The following PGAP1 variants were observed in gnomAD, a reference collection of about 807,000 sequenced individuals.
The protein encoded by PGAP1 is GPI inositol-deacylase.
A neutral mutation model predicts 127.0 loss-of-function variants in PGAP1; 76 were observed. The observed-to-expected ratio is 0.60, with a 90% CI of 0.50 to 0.72. PGAP1 has a LOEUF of 0.72. Among genes scored for constraint, PGAP1 ranks in the 30% least tolerant of loss-of-function variants. PGAP1 has a pLI of 0.00. For missense variants in PGAP1, 982 were observed against 1,071.3 expected, an observed-to-expected ratio of 0.92 and a Z score of 1.16; for synonymous variants, 362 against 366.5, an observed-to-expected ratio of 0.99 and a Z score of 0.14.
Position 196,926,462 on chromosome 2 carries a change from A to C in PGAP1, c.147+8T>G. 1.9e-5 allele frequency: 31 copies of C among 1,614,104 alleles called. No homozygotes were observed. The highest frequency in any genetic ancestry group is 2.5e-5 in the Non-Finnish European group (30 of 1,179,998). On this transcript the variant is annotated splice_region_variant and intron_variant, in intron 1 of 26. Coordinates refer to ENST00000354764, the MANE Select transcript of PGAP1 (RefSeq NM_024989.4). ...GAGCGCCCGGCTGAGGAGAGGGCAG[A>C]ACCTTACCTGATACTCCGGGTACTC...
rs1474069252 is a variant in PGAP1, at chr2:196,840,045, C to T, written c.*1189G>A. ...CTTCTGCCTTGCCGATTACCTTCTT[C>T]CTACTCTTGTAGCTAAAAGTGACGT... On this transcript the variant is annotated 3_prime_UTR_variant, in exon 27 of 27. Transcript: ENST00000354764. The T allele has an allele frequency of 6.6e-6, 1 of 152,140 alleles. No homozygotes were observed. The highest frequency in any genetic ancestry group is 1.5e-5 in the Non-Finnish European group (1 of 68,024). 9.4% of individuals were successfully genotyped at this position (152,140 alleles called of 1,614,324 possible).
intron 20 of PGAP1, among the ~76,000 whole-genome samples, chr2:196,860,175 G>A (rs1428492892): frequency 6.6e-6 from 1 of 151,856 alleles, no homozygotes; most frequent in African/African-American, 2.4e-5. Context: ...AAAGTTTCAA[G>A]ATACAAAATC....
chr2:196,886,888 G>A lies in PGAP1; in HGVS notation c.1174-1008C>T, dbSNP rs1022048903. 5.9e-5 allele frequency among the ~76,000 whole-genome samples: 9 copies of A among 151,628 alleles called. No homozygotes were observed. In the South Asian group the frequency reaches 1.9e-3, roughly 32 times the overall value. ...AATTTTTGTATTTTTAGTGGAGACG[G>A]GATTTCACCATGTTGGCCAGGATGG... On this transcript the variant is annotated intron_variant, in intron 10 of 26. Coordinates refer to ENST00000354764, the MANE Select transcript of PGAP1 (RefSeq NM_024989.4).
chr2:196,851,697 C>G (rs1356747234), intron 20 of PGAP1, among the ~76,000 whole-genome samples: 1 of 152,102 alleles, frequency 6.6e-6, no homozygotes, highest in Non-Finnish European at 1.5e-5. Context: ...CTGGAGCTCT[C>G]TGCTTCCACG....
At chr2:196,878,896 T>G (rs1701642988) in intron 13 of PGAP1, among the ~76,000 whole-genome samples, 1 of 152,246 alleles carries the variant, frequency 6.6e-6, no homozygotes, top group Non-Finnish European at 1.5e-5. Flanking sequence ...ATGTCACTAT[T>G]GAGCATCTGG....
chr2:196,911,642 A>C (rs892323482), intron 4 of PGAP1, among the ~76,000 whole-genome samples: 1 of 147,698 alleles, frequency 6.8e-6, no homozygotes, highest in Non-Finnish European at 1.5e-5. Flanking sequence ...AAAAATTAAG[A>C]TAATGCAAAT....
intron 20 of PGAP1, among the ~76,000 whole-genome samples, chr2:196,854,116 T>C (rs1294332790): frequency 1.3e-5 from 2 of 152,058 alleles, no homozygotes; most frequent in Admixed American, 1.3e-4. Context: ...AGGATAGTCT[T>C]GAATTCCTAG....
chr2:196,877,204 G>T (rs1236345731), intron 13 of PGAP1, among the ~76,000 whole-genome samples: 1 of 151,974 alleles, frequency 6.6e-6, no homozygotes, highest in Non-Finnish European at 1.5e-5. Flanking sequence ...AATTTCTAAT[G>T]GGTTTAATTA....
rs541180365 is a variant in PGAP1 at position 196,885,956 on chromosome 2, A to G, written c.1174-76T>C. 76 of 1,001,346 alleles carry G rather than the reference A, an allele frequency of 7.6e-5. No homozygotes were observed. In the South Asian group the frequency reaches 2.5e-3, roughly 33 times the overall value. The allele number at this position is 1,001,346 out of a possible 1,614,324, so 62.0% of individuals were successfully genotyped here. A position where few individuals can be genotyped will look rare whatever the true frequency, so the allele number is the denominator to read the frequency against. On this transcript the variant is annotated intron_variant, in intron 10 of 26. Transcript: ENST00000354764. Reference sequence around the variant, plus strand: ...TTATACAAAACAAACACCCATTTTCAACACTTTTTATTGTTATATGATATA... The same window carrying G: ...TTATACAAAACAAACACCCATTTTCGACACTTTTTATTGTTATATGATATA...
chr2:196,867,233 C>T (rs1701271738), intron 19 of PGAP1, among the ~76,000 whole-genome samples: 1 of 151,814 alleles, frequency 6.6e-6, no homozygotes, highest in African/African-American at 2.4e-5. Context: ...GGAATCAACC[C>T]ATCAATGATA....
At chr2:196,883,324 A>G (rs1451827130) in intron 12 of PGAP1, among the ~76,000 whole-genome samples, 4 of 152,228 alleles carry the variant, frequency 2.6e-5, no homozygotes, top group Admixed American at 1.3e-4. Context: ...CAAGCTAAAG[A>G]ACCATTAATG....
chr2:196,864,813 C>T (rs543853510), intron 20 of PGAP1, among the ~76,000 whole-genome samples, 174 bp downstream of exon 20: 199 of 152,050 alleles, frequency 1.3e-3, no homozygotes, highest in Non-Finnish European at 2.6e-3. Flanking sequence ...GCTACTATTA[C>T]GTGGCATAAT....
chr2:196,834,679 G>T lies in PGAP1; in HGVS notation c.*6555C>A, dbSNP rs1310221076. ...AATTTATATACAGTATAAATCGGGA[G>T]TTTTTTTTCCACTGCACAGTGGAGG... On this transcript the variant is annotated 3_prime_UTR_variant, in exon 27 of 27. Transcript: ENST00000354764. 2.6e-5 allele frequency: 4 copies of T among 151,636 alleles called. No homozygotes were observed. Among genetic ancestry groups the T allele is most frequent in the African/African-American group, 9.7e-5 (4 of 41,340 alleles). 9.4% of individuals were successfully genotyped at this position (151,636 alleles called of 1,614,324 possible). A position where few individuals can be genotyped will look rare whatever the true frequency, so the allele number is the denominator to read the frequency against.
chr2:196,902,396 T>TATTCATTCATTCATTCATTC (rs112012835), intron 5 of PGAP1, among the ~76,000 whole-genome samples, 189 bp downstream of exon 5: 164 of 151,480 alleles, frequency 1.1e-3, no homozygotes, highest in African/African-American at 3.8e-3. Flanking sequence ...AACACATTCA[T>TATTCATTCATTCATTCATTC]ATTCATTCAT....
chr2:196,835,064 A>C lies in PGAP1; in HGVS notation c.*6170T>G, dbSNP rs1320761155. 6.6e-6 allele frequency: 1 copy of C among 152,022 alleles called. No individual in the cohort carries two copies. The highest frequency in any genetic ancestry group is 2.4e-5 in the African/African-American group (1 of 41,454). The allele number at this position is 152,022 out of a possible 1,614,324, so 9.4% of individuals were successfully genotyped here. On this transcript the variant is annotated 3_prime_UTR_variant, in exon 27 of 27. Coordinates refer to ENST00000354764, the MANE Select transcript of PGAP1 (RefSeq NM_024989.4). ...GGGAAAACTATAATATGAGGAACTG[A>C]AATTTCCTTAGAATCTTTATGGGGA...
Position 196,873,594 on chromosome 2 carries a change from C to T in PGAP1, c.1501-15G>A. 1.2e-6 allele frequency: 2 copies of T among 1,608,456 alleles called. No individual in the cohort carries two copies. The highest frequency in any genetic ancestry group is 1.7e-6 in the Non-Finnish European group (2 of 1,175,924). On this transcript the variant is annotated splice_polypyrimidine_tract_variant and intron_variant, in intron 15 of 26. Coordinates refer to ENST00000354764, the MANE Select transcript of PGAP1 (RefSeq NM_024989.4). ...GCTTGGTATATCTAATAGAGTTTGA[C>T]CACAAAAACAAAATATAAAGGTTTA...
chr2:196,894,522 G>A (rs1297372761), intron 7 of PGAP1, among the ~76,000 whole-genome samples: 6 of 152,154 alleles, frequency 3.9e-5, no homozygotes, highest in Admixed American at 3.3e-4. Context: ...AAAACTTTAG[G>A]CCGGGCGCAG....
chr2:196,919,679 C>A (rs1703123187), intron 2 of PGAP1, among the ~76,000 whole-genome samples: 1 of 152,152 alleles, frequency 6.6e-6, no homozygotes, highest in African/African-American at 2.4e-5. Context: ...GTTCTCTTTA[C>A]CCTCCATTTC....
At chr2:196,859,303 G>A (rs977415442) in intron 20 of PGAP1, among the ~76,000 whole-genome samples, 1 of 152,134 alleles carries the variant, frequency 6.6e-6, no homozygotes, top group Non-Finnish European at 1.5e-5. Flanking sequence ...CTCCAACTTG[G>A]GCAACAGAGT....
Sources: gnomAD v4.1 joint callset for allele counts (sites outside exome capture counted in the v4.1 genomes callset) on GRCh38, gnomAD v4.1.1 for gene constraint, MANE v1.5 for transcripts, NCBI Gene and HGNC (gene_info 2026-07-23, HGNC 2026-07-21) for gene names.